Variants in MMP26 observed in about 807,000 individuals in gnomAD.
MMP26 encodes the protein matrix metallopeptidase 26, also known as matrix metalloproteinase-26.
Under a neutral mutation model 31.0 loss-of-function variants are expected in MMP26, and 33 were observed. The ratio of observed to expected loss-of-function variants is 1.06; its 90% confidence interval spans 0.81 to 1.42. The LOEUF is 1.42. Among genes scored for constraint, MMP26 ranks in the 40% most tolerant of loss-of-function variants. The pLI is 0.00. For synonymous variants in MMP26, 122 were observed against 114.9 expected, an observed-to-expected ratio of 1.06 and a Z score of -0.40; for missense variants, 347 against 316.1, an observed-to-expected ratio of 1.10 and a Z score of -0.74.
intron 2 of MMP26, among the ~76,000 whole-genome samples, chr11:4,892,662 G>C (rs1381882944): frequency 6.6e-6 from 1 of 152,116 alleles, no homozygotes; most frequent in Non-Finnish European, 1.5e-5. Flanking sequence ...TTTGTTCTGT[G>C]TGAGTGACTG....
intron 1 of MMP26, chr11:4,723,888 G>C: frequency 8.8e-7 from 1 of 1,135,808 alleles, no homozygotes; most frequent in East Asian, 2.3e-5. Flanking sequence ...TGAGGGTCTT[G>C]ATCTGCTCCT....
chr11:4,714,507 C>T (rs2133268408), intron 1 of MMP26, among the ~76,000 whole-genome samples: 1 of 152,300 alleles, frequency 6.6e-6, no homozygotes, highest in East Asian at 1.9e-4. Context: ...TATCACGTGA[C>T]TTCCACGTCC....
At chr11:4,857,262 TAAA>T (rs150569161) in intron 2 of MMP26, among the ~76,000 whole-genome samples, 1 of 150,902 alleles carries the variant, frequency 6.6e-6, no homozygotes, top group Non-Finnish European at 1.5e-5. Flanking sequence ...AAAAAACCCT[TAAA>T]AAAAAATCAG....
chr11:4,791,526 G>A (rs1224306387), intron 2 of MMP26, among the ~76,000 whole-genome samples: 1 of 152,098 alleles, frequency 6.6e-6, no homozygotes, highest in African/African-American at 2.4e-5. Context: ...TAATTTCTCT[G>A]TATTTTAGAT....
chr11:4,864,174 G>T (rs1020201523), intron 2 of MMP26, among the ~76,000 whole-genome samples: 1 of 152,174 alleles, frequency 6.6e-6, no homozygotes, highest in African/African-American at 2.4e-5. Context: ...ATAAAAAAAA[G>T]ATCTTTGAAT....
At chr11:4,870,413 G>T (rs891616743) in intron 2 of MMP26, among the ~76,000 whole-genome samples, 6 of 152,076 alleles carry the variant, frequency 3.9e-5, no homozygotes, top group African/African-American at 1.4e-4. Context: ...AAGGATAAAA[G>T]AAAATGGGGC....
At chr11:4,838,315 TAAAAAAAAAAAAAAAA>T (rs540572047) in intron 2 of MMP26, among the ~76,000 whole-genome samples, 983 of 27,268 alleles carry the variant, frequency 0.036, 25 homozygotes, top group African/African-American at 0.064. Context: ...AGACTCTGTC[TAAAAAAAAAAAAAAAA>T]AAAAAAAAAA....
chr11:4,741,913 C>A (rs78391945), intron 1 of MMP26, among the ~76,000 whole-genome samples: 9,898 of 152,200 alleles, frequency 0.065, 393 homozygotes, highest in Non-Finnish European at 0.095. Flanking sequence ...AGGCTAAGAA[C>A]AAACATATGG....
chr11:4,924,161 G>T, intron 2 of MMP26: 1 of 1,614,168 alleles, frequency 6.2e-7, no homozygotes, highest in Non-Finnish European at 8.5e-7. Context: ...ATAGTACATG[G>T]GTCCATGGAG....
chr11:4,967,053 G>A (rs1441197170), intron 2 of MMP26, among the ~76,000 whole-genome samples: 1 of 152,156 alleles, frequency 6.6e-6, no homozygotes, highest in Non-Finnish European at 1.5e-5. Flanking sequence ...CAGGCAAGAA[G>A]ATATACTTTG....
intron 2 of MMP26, among the ~76,000 whole-genome samples, chr11:4,884,304 TG>T (rs1346612679): frequency 2.0e-5 from 3 of 152,148 alleles, no homozygotes; most frequent in African/African-American, 7.2e-5. Context: ...AGTCCCTCAT[TG>T]TAGCTAAAAT....
chr11:4,902,441 G>A (rs962405132), intron 2 of MMP26, among the ~76,000 whole-genome samples: 2 of 152,104 alleles, frequency 1.3e-5, no homozygotes, highest in Non-Finnish European at 2.9e-5. Context: ...TGCTCCAGAG[G>A]ACACGATTTT....
intron 1 of MMP26, among the ~76,000 whole-genome samples, chr11:4,717,549 A>G (rs1214025153): frequency 6.6e-6 from 1 of 151,902 alleles, no homozygotes; most frequent in Non-Finnish European, 1.5e-5. Context: ...CTCAGCTACC[A>G]GATAAAGAGA....
intron 2 of MMP26, chr11:4,907,561 C>T (rs1387586144): frequency 6.2e-7 from 1 of 1,614,040 alleles, no homozygotes; most frequent in Non-Finnish European, 8.5e-7. Context: ...ATTTCCTTGC[C>T]ATGTTGGCTG....
intron 2 of MMP26, among the ~76,000 whole-genome samples, chr11:4,986,312 C>A (rs1846886387): frequency 1.3e-5 from 2 of 151,514 alleles, no homozygotes; most frequent in Non-Finnish European, 2.9e-5. Context: ...TTAACAAATT[C>A]TTTCATTATC....
At chr11:4,870,647 G>A (rs1589925095) in intron 2 of MMP26, among the ~76,000 whole-genome samples, 1 of 152,116 alleles carries the variant, frequency 6.6e-6, no homozygotes, top group Admixed American at 6.6e-5. Flanking sequence ...AGGGAGAAAA[G>A]ACCTGAATTT....
At chr11:4,894,281 G>A (rs1850670320) in intron 2 of MMP26, among the ~76,000 whole-genome samples, 2 of 152,124 alleles carry the variant, frequency 1.3e-5, no homozygotes, top group African/African-American at 2.4e-5. Context: ...GAAAACTGAA[G>A]CATAGAGAGA....
At chr11:4,804,109 T>G (rs138589452) in intron 2 of MMP26, 31 of 1,613,946 alleles carry the variant, frequency 1.9e-5, no homozygotes, top group Non-Finnish European at 2.2e-5. Flanking sequence ...CTCATGAGCA[T>G]GAAACCAGAA....
intron 2 of MMP26, among the ~76,000 whole-genome samples, chr11:4,865,519 T>C (rs1353786087): frequency 2.6e-5 from 4 of 152,134 alleles, no homozygotes; most frequent in Non-Finnish European, 5.9e-5. Flanking sequence ...GAAACATTCA[T>C]TCTTGAAAAC....
Sources: allele counts gnomAD v4.1 joint callset (sites outside exome capture counted in the v4.1 genomes callset), GRCh38; gene constraint gnomAD v4.1.1; transcripts MANE v1.5; gene names NCBI Gene and HGNC (gene_info 2026-07-23, HGNC 2026-07-21).